Variants in DNAH3 observed in about 807,000 individuals in gnomAD.
The protein encoded by DNAH3 is axonemal beta dynein heavy chain 3.
A neutral mutation model predicts 432.5 loss-of-function variants in DNAH3; 332 were observed. The observed-to-expected ratio is 0.77, with a 90% CI of 0.70 to 0.84. The LOEUF (loss-of-function observed/expected upper bound fraction) is 0.84. Among genes scored for constraint, DNAH3 ranks in the 40% least tolerant of loss-of-function variants. The pLI is 0.00. For missense variants in DNAH3, 4,861 were observed against 5,114.0 expected (o/e 0.95, Z 1.51); for synonymous variants, 1,956 against 1,900.2 (o/e 1.03, Z -0.76).
At chr16:20,938,384 C>G (rs1170206329) in intron 59 of DNAH3, among the ~76,000 whole-genome samples, 2 of 144,732 alleles carry the variant, frequency 1.4e-5, no homozygotes, top group Non-Finnish European at 3.1e-5. Flanking sequence ...GAGTGAAACT[C>G]TGTCTCAATT....
At chr16:20,992,485 G>A (rs1387121206) in intron 44 of DNAH3, among the ~76,000 whole-genome samples, 1 of 152,138 alleles carries the variant, frequency 6.6e-6, no homozygotes. Flanking sequence ...AGCTGGGACT[G>A]CAGGCGCACA....
chr16:20,987,840 C>T (rs756932273), exon 46 of DNAH3: 3 of 1,614,152 alleles, frequency 1.9e-6, no homozygotes, highest in Non-Finnish European at 2.5e-6. Context: ...GGACCAGCAT[C>T]TTTCCGTACC....
chr16:21,021,920 C>T (rs770475858), intron 40 of DNAH3, 51 bp downstream of exon 40: 3 of 1,595,590 alleles, frequency 1.9e-6, no homozygotes, highest in East Asian at 2.2e-5. Context: ...AAAGAAATAG[C>T]CAAGGTAGAC....
intron 20 of DNAH3, among the ~76,000 whole-genome samples, chr16:21,077,617 T>C (rs1025241632): frequency 3.9e-5 from 6 of 152,134 alleles, no homozygotes; most frequent in African/African-American, 1.4e-4. Flanking sequence ...GAAAGGGGCA[T>C]AGAGGGAGAG....
intron 28 of DNAH3, among the ~76,000 whole-genome samples, chr16:21,052,141 G>A (rs1027613843): frequency 3.9e-5 from 6 of 152,008 alleles, no homozygotes; most frequent in East Asian, 1.9e-4. Context: ...ATAGGCGCAC[G>A]CCACCACACC....
chr16:21,037,843 T>C, exon 34 of DNAH3: 2 of 1,614,166 alleles, frequency 1.2e-6, no homozygotes, highest in Non-Finnish European at 1.7e-6. Context: ...ACTTTCATTC[T>C]CCTCTGGATA....
intron 21 of DNAH3, among the ~76,000 whole-genome samples, chr16:21,072,115 G>GC (rs1205703119): frequency 6.6e-6 from 1 of 152,064 alleles, no homozygotes; most frequent in Non-Finnish European, 1.5e-5. Context: ...CCTAATTACT[G>GC]CATAAACAAA....
intron 22 of DNAH3, among the ~76,000 whole-genome samples, chr16:21,069,822 C>A (rs2090716984): frequency 1.3e-5 from 2 of 152,220 alleles, no homozygotes; most frequent in African/African-American, 4.8e-5. Context: ...AGCTCACGTC[C>A]TAGCAGAATA....
chr16:21,103,363 GCAGGGT>G (rs2091882301), intron 16 of DNAH3, among the ~76,000 whole-genome samples: 1 of 139,038 alleles, frequency 7.2e-6, no homozygotes, highest in Admixed American at 7.3e-5. Flanking sequence ...GTGGGGGGGG[GCAGGGT>G]GGGGGAGTTG....
chr16:21,112,225 T>A (rs2092093425), intron 12 of DNAH3, 127 bp from the exon 13 acceptor site: 1 of 652,930 alleles, frequency 1.5e-6, no homozygotes, highest in African/African-American at 1.8e-5. Context: ...AAGAGAACTA[T>A]AATGTGGCAA....
intron 20 of DNAH3, among the ~76,000 whole-genome samples, chr16:21,078,545 G>A (rs1425355578): frequency 6.6e-6 from 1 of 152,146 alleles, no homozygotes; most frequent in Admixed American, 6.5e-5. Flanking sequence ...ATGAGACAAA[G>A]AGTCACAAGG....
chr16:21,053,042 G>C (rs1043582844), intron 28 of DNAH3, among the ~76,000 whole-genome samples: 4 of 152,126 alleles, frequency 2.6e-5, no homozygotes, highest in Non-Finnish European at 5.9e-5. Context: ...AGGCTGATGA[G>C]AATCATTCAT....
At chr16:20,989,707 G>T (rs1248777507) in intron 44 of DNAH3, among the ~76,000 whole-genome samples, 1 of 152,236 alleles carries the variant, frequency 6.6e-6, no homozygotes, top group East Asian at 1.9e-4. Flanking sequence ...GTGCTCGTCG[G>T]GGAGGCTTGG....
At chr16:20,964,914 G>T in exon 53 of DNAH3, 4 of 1,614,138 alleles carry the variant, frequency 2.5e-6, no homozygotes, top group Non-Finnish European at 3.4e-6. Flanking sequence ...TAGTATAGCG[G>T]ATCCCCAGCT....
At chr16:21,051,013 T>C (rs905189828) in intron 29 of DNAH3, among the ~76,000 whole-genome samples, 5 of 152,008 alleles carry the variant, frequency 3.3e-5, no homozygotes, top group Non-Finnish European at 7.4e-5. Context: ...CAAAAAATGG[T>C]TGTTGAATAA....
intron 32 of DNAH3, among the ~76,000 whole-genome samples, chr16:21,040,649 G>T (rs2089402265): frequency 6.6e-6 from 1 of 152,014 alleles, no homozygotes; most frequent in South Asian, 2.1e-4. Context: ...TAAGGCGTGA[G>T]CTACCGCGCC....
At chr16:21,124,294 AAG>A (rs2092402711) in intron 9 of DNAH3, among the ~76,000 whole-genome samples, 1 of 152,176 alleles carries the variant, frequency 6.6e-6, no homozygotes. Context: ...CTTCTTGTAA[AAG>A]AGAGGATGAA....
exon 53 of DNAH3, chr16:20,964,153 T>A: frequency 6.2e-7 from 1 of 1,614,206 alleles, no homozygotes; most frequent in South Asian, 1.1e-5. Context: ...GGAGAGAACC[T>A]CCAAGATCTT....
At chr16:21,046,778 CT>C (rs2089718391) in intron 31 of DNAH3, among the ~76,000 whole-genome samples, 2 of 151,934 alleles carry the variant, frequency 1.3e-5, no homozygotes, top group South Asian at 4.2e-4. Flanking sequence ...TCTCGATGGT[CT>C]TTACATTTTG....
Sources: allele counts gnomAD v4.1 joint callset (sites outside exome capture counted in the v4.1 genomes callset), GRCh38; gene constraint gnomAD v4.1.1; transcripts MANE v1.5; gene names NCBI Gene and HGNC (gene_info 2026-07-23, HGNC 2026-07-21).